Variants in SLC20A2 observed in about 807,000 individuals in gnomAD.
SLC20A2 encodes the protein solute carrier family 20 member 2.
A neutral mutation model predicts 61.0 loss-of-function variants in SLC20A2; 30 were observed. That is an observed-to-expected ratio of 0.49 (90% CI 0.37 to 0.67). SLC20A2 has a LOEUF of 0.67. Ranked by LOEUF, SLC20A2 falls within the 30% of genes least tolerant of loss-of-function variation. The pLI, the probability that SLC20A2 is intolerant of heterozygous loss-of-function variation, is 0.00. For missense variants in SLC20A2, 626 were observed against 866.4 expected (o/e 0.72, Z 3.48); for synonymous variants, 351 against 353.3 (o/e 0.99, Z 0.07).
intron 10 of SLC20A2, among the ~76,000 whole-genome samples, chr8:42,418,397 C>A (rs1802816852): frequency 6.6e-6 from 1 of 151,858 alleles, no homozygotes; most frequent in Non-Finnish European, 1.5e-5. Flanking sequence ...GAACTCCTCA[C>A]CTCAAGTGAC....
Position 42,439,572 on chromosome 8 carries a change from A to C in SLC20A2, c.812T>G (p.Phe271Cys). ...SKVQEAESPV[F>C]KELPGAKAND... ...AGCCTTGGCACCTGGTAGCTCTTTA[A>C]ATACTGGGGACTCTGCTTCCTGAAC... The change falls in exon 7 of 11, where the codon TTT becomes TGT. Residue 271 changes from phenylalanine (F) to cysteine (C), a missense_variant. Transcript: ENST00000520262. 6.2e-7 allele frequency: 1 copy of C among 1,614,166 alleles called. No homozygotes were observed. The highest frequency in any genetic ancestry group is 8.5e-7 in the Non-Finnish European group (1 of 1,180,022).
intron 7 of SLC20A2, 31 bp downstream of exon 7, chr8:42,439,419 A>G (rs1804585999): frequency 6.2e-7 from 1 of 1,610,262 alleles, no homozygotes; most frequent in African/African-American, 1.3e-5. Context: ...CTGTGCTGCC[A>G]CAGAACCCAA....
intron 8 of SLC20A2, among the ~76,000 whole-genome samples, chr8:42,430,659 C>T (rs1453498388): frequency 6.6e-6 from 1 of 152,146 alleles, no homozygotes; most frequent in African/African-American, 2.4e-5. Context: ...CTGTACCTGG[C>T]CTTCAGATAG....
intron 7 of SLC20A2, among the ~76,000 whole-genome samples, chr8:42,439,120 C>CA (rs1804562542): frequency 6.6e-6 from 1 of 152,146 alleles, no homozygotes; most frequent in Non-Finnish European, 1.5e-5. Flanking sequence ...CTGGGTTAAC[C>CA]AACGTTCAGC....
chr8:42,523,117 G>C (rs1811693942), intron 1 of SLC20A2, among the ~76,000 whole-genome samples: 1 of 152,142 alleles, frequency 6.6e-6, no homozygotes, highest in South Asian at 2.1e-4. Context: ...CAGATCACGA[G>C]GTCAGGAGTT....
rs1401929760 is a variant in SLC20A2, at chr8:42,465,819, T to C, written c.388A>G (p.Ile130Val). ...GSTIGFSLVA[I>V]GTKGVQWMEL... The stretch of plus-strand genomic sequence containing the variant: ...ATCCACTGCACACCTTTGGTACCGA[T>C]TGCGACCAGTGAGAATCCTATAGTA... The change falls in exon 3 of 11, where the codon ATC (isoleucine) becomes GTC (valine). Residue 130 changes from isoleucine (I) to valine (V), a missense_variant. Physicochemically the swap from Ile to Val is conservative, Grantham distance 29. Around this residue, in one of 3 missense-constraint regions of SLC20A2, gnomAD observed 127 missense variants for 215.4 expected, o/e 0.59. Coordinates refer to ENST00000520262, the MANE Select transcript of SLC20A2 (RefSeq NM_001257180.2). The C allele has an allele frequency of 3.1e-6, 5 of 1,613,898 alleles. No homozygotes were observed. Among genetic ancestry groups the C allele is most frequent in the East Asian group, 2.2e-5 (1 of 44,884 alleles).
At position 42,472,199 on chromosome 8, in the gene SLC20A2, G is replaced by T; in HGVS notation, c.192C>A (p.Ala64=). 1 of 1,614,152 alleles carries T rather than the reference G, an allele frequency of 6.2e-7. No individual in the cohort carries two copies. The highest frequency in any genetic ancestry group is 8.5e-7 in the Non-Finnish European group (1 of 1,180,030). Residue 64 remains alanine (A), a synonymous_variant, in exon 2 of 11, where the codon GCC becomes GCA. Coordinates refer to ENST00000520262, the MANE Select transcript of SLC20A2 (RefSeq NM_001257180.2). This position sits in a 1 kb window ranked among gnomAD's most constrained non-coding sequence, Gnocchi z 4.1. The part of the protein sequence containing the change: ...FETTGSVLLG[A]KVGETIRKGI... ...CTTTGCGAATGGTTTCTCCTACTTT[G>T]GCGCCTAGTAACACGGAGCCGGTGG...
At chr8:42,455,176 G>A (rs796567991) in intron 5 of SLC20A2, among the ~76,000 whole-genome samples, 2 of 138,628 alleles carry the variant, frequency 1.4e-5, no homozygotes, top group African/African-American at 5.4e-5. Context: ...AGTGAGCTGA[G>A]ATCACACTAC....
chr8:42,476,084 CTTTTTTTTTTTTTTTTT>C (rs11350697), intron 1 of SLC20A2, among the ~76,000 whole-genome samples: 5 of 42,100 alleles, frequency 1.2e-4, no homozygotes, highest in South Asian at 1.4e-3. Context: ...TTTACTGTGT[CTTTTTTTTTTTTTTTTT>C]TTTTTTTTTT....
At chr8:42,439,033 A>T (rs1008227900) in intron 7 of SLC20A2, among the ~76,000 whole-genome samples, 1 of 152,008 alleles carries the variant, frequency 6.6e-6, no homozygotes, top group African/African-American at 2.4e-5. Context: ...GACATTTTCT[A>T]AGGTTTCTGT....
intron 5 of SLC20A2, among the ~76,000 whole-genome samples, chr8:42,447,472 T>C (rs978705531): frequency 4.6e-5 from 7 of 152,054 alleles, no homozygotes; most frequent in East Asian, 1.9e-4. Flanking sequence ...GGTCAGGAGA[T>C]GGAGACCATC....
At position 42,472,284 on chromosome 8, in the gene SLC20A2, G is replaced by A. The variant is rs267601932; in HGVS notation, c.107C>T (p.Ala36Val). The A allele has an allele frequency of 6.2e-7, 1 of 1,614,160 alleles. No individual in the cohort carries two copies. Among genetic ancestry groups the A allele is most frequent in the Non-Finnish European group, 8.5e-7 (1 of 1,180,028 alleles). Residue 36 changes from alanine (A) to valine (V), a missense_variant, in exon 2 of 11, where the codon GCC (alanine) becomes GTC (valine). Around this residue, in one of 3 missense-constraint regions of SLC20A2, gnomAD observed 127 missense variants for 215.4 expected, o/e 0.59. Coordinates refer to ENST00000520262, the MANE Select transcript of SLC20A2 (RefSeq NM_001257180.2). The surrounding 1 kb of genome is among the most constrained non-coding windows in gnomAD (Gnocchi z 4.1). ...CAAGGTCACCACACCAGAGCCCACG[G>A]CTGTACCAAAGGAGTTGGCAACATC... Reference protein sequence around the residue: ...ANDVANSFGTAVGSGVVTLRQ... With the variant: ...ANDVANSFGTVVGSGVVTLRQ...
Position 42,493,430 on chromosome 8 carries a change from A to G in SLC20A2, c.-265+7601T>C, listed in dbSNP as rs140050314. 2.5e-3 allele frequency among the ~76,000 whole-genome samples: 374 copies of G among 152,312 alleles called. 3 individuals are homozygous for G. The highest frequency in any genetic ancestry group is 8.2e-3 in the African/African-American group (343 of 41,580). On this transcript the variant is annotated intron_variant, in intron 1 of 10. Coordinates refer to ENST00000520262, the MANE Select transcript of SLC20A2 (RefSeq NM_001257180.2). ...ACTGGCTAGGGGATTCATTCTTTCC[A>G]TCATCCCTCATCACTGTCACTCAAA...
At chr8:42,539,100 C>T (rs1812891143) in intron 1 of SLC20A2, among the ~76,000 whole-genome samples, 1 of 152,138 alleles carries the variant, frequency 6.6e-6, no homozygotes, top group Admixed American at 6.5e-5. Context: ...CAACTCCTCC[C>T]CTCCCCAAAG....
chr8:42,527,555 A>G (rs1431898406), intron 1 of SLC20A2, among the ~76,000 whole-genome samples: 1 of 152,078 alleles, frequency 6.6e-6, no homozygotes, highest in South Asian at 2.1e-4. Flanking sequence ...AGGAGGGCGG[A>G]TCACCTGAGG....
At position 42,459,976 on chromosome 8, in the gene SLC20A2, T is replaced by C. The variant is rs142888552; in HGVS notation, c.533A>G (p.Asn178Ser). The C allele has an allele frequency of 1.4e-4, 219 of 1,610,712 alleles. No homozygotes were observed. The highest frequency in any genetic ancestry group is 1.3e-3 in the African/African-American group (100 of 74,948). ...FILKKEDPVP[N>S]GLRALPVFYA... Reference sequence around the variant, plus strand: ...GAATACTGGGAGTGCCCGGAGGCCATTGGGAACAGGGTCTTCCTGTAGGAA... The same window carrying C: ...GAATACTGGGAGTGCCCGGAGGCCACTGGGAACAGGGTCTTCCTGTAGGAA... Residue 178 changes from asparagine to serine, a missense_variant, in exon 5 of 11, where the codon AAT (asparagine) becomes AGT (serine). Physicochemically the swap from Asn to Ser is conservative, Grantham distance 46 (BLOSUM62 1). This residue lies in a region of SLC20A2 where 361 missense variants were observed against 422.3 expected (regional missense o/e 0.85). Coordinates refer to ENST00000520262, the MANE Select transcript of SLC20A2 (RefSeq NM_001257180.2).
chr8:42,438,610 C>G (rs1005208230), intron 7 of SLC20A2, among the ~76,000 whole-genome samples: 2 of 152,248 alleles, frequency 1.3e-5, no homozygotes, highest in African/African-American at 4.8e-5. Context: ...ACCCACCTTG[C>G]AGAGGTGGCA....
At chr8:42,527,637 G>A (rs371925389) in intron 1 of SLC20A2, among the ~76,000 whole-genome samples, 65 of 151,908 alleles carry the variant, frequency 4.3e-4, no homozygotes, top group Non-Finnish European at 6.9e-4. Context: ...GCGTGGTGGC[G>A]CATGCCTGTA....
At chr8:42,433,839 A>C (rs1253169331) in intron 8 of SLC20A2, among the ~76,000 whole-genome samples, 1 of 152,170 alleles carries the variant, frequency 6.6e-6, no homozygotes, top group African/African-American at 2.4e-5. Flanking sequence ...TATCTCTTTG[A>C]GACTCTGCTT....
Sources: gnomAD v4.1 joint callset for allele counts (sites outside exome capture counted in the v4.1 genomes callset) on GRCh38, gnomAD v4.1.1 for gene constraint, gnomAD v4.1.1 regional missense constraint, Gnocchi (gnomAD v3.1) non-coding constraint, MANE v1.5 for transcripts, NCBI Gene and HGNC (gene_info 2026-07-23, HGNC 2026-07-21) for gene names.